PDE11A: variants seen among roughly 807,000 people sequenced by gnomAD.
The protein encoded by PDE11A is dual 3',5'-cyclic-AMP and -GMP phosphodiesterase 11A.
Under a neutral mutation model 100.5 loss-of-function variants are expected in PDE11A, and 100 were observed. The ratio of observed to expected loss-of-function variants is 1.00; its 90% confidence interval spans 0.85 to 1.18. The LOEUF (loss-of-function observed/expected upper bound fraction) is 1.18. PDE11A is among the 50% of genes most tolerant of loss of function. PDE11A has a pLI of 0.00. For synonymous variants in PDE11A, 381 were observed against 420.8 expected, an observed-to-expected ratio of 0.91 and a Z score of 1.16; for missense variants, 1,141 against 1,152.6, an observed-to-expected ratio of 0.99 and a Z score of 0.15.
chr2:177,850,167 G>A (rs1252329716), intron 5 of PDE11A, among the ~76,000 whole-genome samples: 1 of 152,278 alleles, frequency 6.6e-6, no homozygotes, highest in East Asian at 1.9e-4. Context: ...AAACAGCATG[G>A]TACTGGTACC....
At chr2:177,665,490 T>A (rs189899387) in intron 18 of PDE11A, among the ~76,000 whole-genome samples, 2,502 of 53,606 alleles carry the variant, frequency 0.047, 70 homozygotes, top group African/African-American at 0.13. Flanking sequence ...AAAAAAAAAA[T>A]AATAATAATA....
At chr2:177,869,822 A>T (rs777795101) in intron 5 of PDE11A, among the ~76,000 whole-genome samples, 2 of 152,164 alleles carry the variant, frequency 1.3e-5, no homozygotes, top group Non-Finnish European at 2.9e-5. Flanking sequence ...CTATGTTCTC[A>T]GTGTTAATTG....
intron 17 of PDE11A, among the ~76,000 whole-genome samples, chr2:177,671,140 T>G (rs2080672910): frequency 6.6e-6 from 1 of 152,196 alleles, no homozygotes; most frequent in Non-Finnish European, 1.5e-5. Flanking sequence ...CATTAAAGAA[T>G]GTAAATGTGC....
intron 1 of PDE11A, among the ~76,000 whole-genome samples, chr2:178,034,848 C>T (rs1347319427): frequency 6.6e-6 from 1 of 152,068 alleles, no homozygotes; most frequent in East Asian, 1.9e-4. Context: ...CACAACATAC[C>T]AGAATCTCTG....
chr2:177,790,120 A>G (rs368330179), intron 9 of PDE11A, among the ~76,000 whole-genome samples: 1 of 151,372 alleles, frequency 6.6e-6, no homozygotes, highest in Non-Finnish European at 1.5e-5. Context: ...GAGGCATCAC[A>G]CTACCTGACT....
intron 10 of PDE11A, among the ~76,000 whole-genome samples, chr2:177,752,228 G>A (rs2082035178): frequency 6.6e-6 from 1 of 152,166 alleles, no homozygotes; most frequent in African/African-American, 2.4e-5. Context: ...TCTACTCTGG[G>A]CTTTGAAACA....
rs1380376066 is a variant in PDE11A at position 177,625,526 on chromosome 2, A to T, written c.*3881T>A. On this transcript the variant is annotated 3_prime_UTR_variant, in exon 20 of 20. Transcript: ENST00000286063. ...TTGTGCACATAATAGCTACATAGTG[A>T]CTAGTAAGAATAAATATGTCTGAAA... The T allele has an allele frequency of 1.3e-5, 2 of 152,348 alleles. No homozygotes were observed. Among genetic ancestry groups the T allele is most frequent in the African/African-American group, 4.8e-5 (2 of 41,440 alleles). The allele number at this position is 152,348 out of a possible 1,614,324, so 9.4% of individuals were successfully genotyped here. A position where few individuals can be genotyped will look rare whatever the true frequency, so the allele number is the denominator to read the frequency against.
At chr2:177,771,910 G>A (rs991642276) in intron 9 of PDE11A, among the ~76,000 whole-genome samples, 2 of 152,084 alleles carry the variant, frequency 1.3e-5, no homozygotes, top group African/African-American at 2.4e-5. Context: ...GCTGAGGCGG[G>A]AGAATCGCTT....
At chr2:177,871,093 A>G (rs985764570) in intron 5 of PDE11A, among the ~76,000 whole-genome samples, 3 of 152,228 alleles carry the variant, frequency 2.0e-5, no homozygotes, top group Non-Finnish European at 4.4e-5. Flanking sequence ...ATGTCCACAT[A>G]AAAGGTTTAA....
chr2:177,809,302 A>G (rs961438189), intron 9 of PDE11A, among the ~76,000 whole-genome samples: 1 of 152,178 alleles, frequency 6.6e-6, no homozygotes, highest in Admixed American at 6.5e-5. Context: ...GCAACAACAA[A>G]AACAAAAACA....
At chr2:177,946,601 T>C (rs1574299766) in intron 2 of PDE11A, among the ~76,000 whole-genome samples, 1 of 82,028 alleles carries the variant, frequency 1.2e-5, no homozygotes, top group African/African-American at 4.6e-5. Flanking sequence ...GAGGAGCCCC[T>C]CTGCCCGGCC....
At chr2:177,698,494 C>G (rs2081150815) in intron 14 of PDE11A, 1 of 152,032 alleles carries the variant, frequency 6.6e-6, no homozygotes, top group African/African-American at 2.4e-5. Flanking sequence ...TTTTAAATCT[C>G]GTGTTGAGAG....
intron 2 of PDE11A, among the ~76,000 whole-genome samples, chr2:177,977,708 C>A (rs1444211631): frequency 7.0e-6 from 1 of 142,152 alleles, no homozygotes; most frequent in East Asian, 2.0e-4. Context: ...GCTACAGTAA[C>A]CAAAACAGCA....
intron 10 of PDE11A, among the ~76,000 whole-genome samples, chr2:177,746,115 A>C (rs1309472239): frequency 1.3e-5 from 2 of 152,218 alleles, no homozygotes; most frequent in African/African-American, 4.8e-5. Flanking sequence ...TGGGGTAGAC[A>C]GAAGACAATT....
At position 177,821,428 on chromosome 2, in the gene PDE11A, C is replaced by T. The variant is rs371213810; in HGVS notation, c.1501-1133G>A. Among the ~76,000 whole-genome samples, 3 of 151,770 alleles carry T rather than the reference C, an allele frequency of 2.0e-5. No individual in the cohort carries two copies. The East Asian group carries it at 5.8e-4, about 29-fold the overall frequency. Reference sequence around the variant, plus strand: ...ATTATCACTGCCCCAGAAGCCACCTCCAAACCCCTAAATTCTTGTACATAC... The same window carrying T: ...ATTATCACTGCCCCAGAAGCCACCTTCAAACCCCTAAATTCTTGTACATAC... On this transcript the variant is annotated intron_variant, in intron 6 of 19. Transcript: ENST00000286063.
chr2:178,073,609 C>T (rs548740465), upstream of PDE11A, among the ~76,000 whole-genome samples: 2 of 152,248 alleles, frequency 1.3e-5, no homozygotes, highest in Non-Finnish European at 2.9e-5. Context: ...CAACGTTTAG[C>T]ATAGTGCCTG....
At chr2:177,849,228 T>C (rs2083656185) in intron 5 of PDE11A, among the ~76,000 whole-genome samples, 2 of 152,126 alleles carry the variant, frequency 1.3e-5, no homozygotes, top group Non-Finnish European at 2.9e-5. Flanking sequence ...GAAAGGGGTA[T>C]GGGCAGAAGC....
intron 2 of PDE11A, among the ~76,000 whole-genome samples, chr2:177,991,399 G>C (rs1049216678): frequency 1.3e-5 from 2 of 150,454 alleles, no homozygotes; most frequent in African/African-American, 4.9e-5. Flanking sequence ...ACTTTGGGAG[G>C]CCAAGGCGGG....
chr2:177,634,388 C>CTTTTT (rs1198925669), intron 19 of PDE11A, among the ~76,000 whole-genome samples: 2,423 of 61,012 alleles, frequency 0.04, 33 homozygotes, highest in Non-Finnish European at 0.068. Flanking sequence ...TTTTCTCTCT[C>CTTTTT]TCTTTTTTTT....
Sources: gnomAD v4.1 joint callset for allele counts (sites outside exome capture counted in the v4.1 genomes callset) on GRCh38, gnomAD v4.1.1 for gene constraint, MANE v1.5 for transcripts, NCBI Gene and HGNC (gene_info 2026-07-23, HGNC 2026-07-21) for gene names.